STS: variants seen among roughly 807,000 people sequenced by gnomAD.
STS encodes the protein steroid sulfatase.
In STS, 7 loss-of-function variants were observed where a neutral mutation model predicts 26.8. The ratio of observed to expected loss-of-function variants is 0.26; its 90% confidence interval spans 0.15 to 0.49. The LOEUF (loss-of-function observed/expected upper bound fraction) is 0.49. Among genes scored for constraint, STS ranks in the 20% least tolerant of loss-of-function variants. The pLI, the probability that STS is intolerant of heterozygous loss-of-function variation, is 0.98. For missense variants in STS, 434 were observed against 465.6 expected (o/e 0.93, Z 0.63); for synonymous variants, 199 against 189.4 (o/e 1.05, Z -0.42).
chrX:7,259,886 G>A (rs1452828151), intron 6 of STS, 114 bp downstream of exon 6: 34 of 968,143 alleles, frequency 3.5e-5, no homozygotes, highest in South Asian at 2.4e-4. Flanking sequence ...TGGTTTGTTC[G>A]TTTTTTTGAG....
chrX:7,322,719 C>G (rs1360945249), intron 8 of STS, among the ~76,000 whole-genome samples: 3 of 111,816 alleles, frequency 2.7e-5, no homozygotes, highest in Admixed American at 9.5e-5. Context: ...TCTATAGATT[C>G]AAACCTCCTC....
rs769731613 is a variant in STS, at chrX:7,350,025, T to G, written c.1501T>G (p.Ser501Ala). ...CGACCCACCTTTACTCTTTGATATT[T>G]CCAAAGATCCCAGAGAGAGAAACCC... ...HHDPPLLFDI[S>A]KDPRERNPLT... Residue 501 changes from serine to alanine, a missense_variant, in exon 11 of 11, where the codon TCC (serine) becomes GCC (alanine). By Grantham distance (99) the Ser-to-Ala change is moderately conservative (BLOSUM62 1). Around this residue, in one of 2 missense-constraint regions of STS, gnomAD observed 205 missense variants for 177.3 expected, o/e 1.16. Transcript: ENST00000674429. 8.3e-7 allele frequency: 1 copy of G among 1,211,422 alleles called. No homozygotes were observed. Among genetic ancestry groups the G allele is most frequent in the South Asian group, 1.8e-5 (1 of 56,969 alleles).
At chrX:7,181,011 A>G (rs1197995386) in intron 1 of STS, among the ~76,000 whole-genome samples, 4 of 112,009 alleles carry the variant, frequency 3.6e-5, no homozygotes, top group African/African-American at 1.3e-4. Context: ...GCAATGTTTA[A>G]TGCCCATTAA....
rs189245313 is a variant in STS at position 7,333,843 on chromosome X, T to C, written c.1242-143T>C. The C allele has an allele frequency of 2.5e-5, 18 of 731,260 alleles. No individual in the cohort carries two copies. In the African/African-American group the frequency reaches 3.4e-4, roughly 14 times the overall value. The allele number at this position is 731,260 out of a possible 1,213,427, so 60.3% of individuals were successfully genotyped here. The stretch of plus-strand genomic sequence containing the variant: ...AATGCACGGACAGAGCTGGGATCAG[T>C]GTGTTGCACAGGGCACCCAGGTGGG... On this transcript the variant is annotated intron_variant, in intron 9 of 10. Coordinates refer to ENST00000674429, the MANE Select transcript of STS (RefSeq NM_001320752.2).
At chrX:7,157,635 T>A (rs1255777232) in intron 1 of STS, among the ~76,000 whole-genome samples, 1 of 111,734 alleles carries the variant, frequency 8.9e-6, no homozygotes, top group Non-Finnish European at 1.9e-5. Context: ...ATCATCCATT[T>A]CTTTTGGCCA....
chrX:7,344,844 G>A (rs540014414), intron 10 of STS, among the ~76,000 whole-genome samples: 3 of 111,149 alleles, frequency 2.7e-5, no homozygotes, highest in African/African-American at 9.8e-5. Flanking sequence ...TACTTGTGCC[G>A]AACAGGCTTT....
rs1313932056 is a variant in STS, at chrX:7,290,158, G to A, written c.943+14071G>A. ...CCCATGAATGAATGCATACTTAATTGAAAGCAGACAGTTCTTGATCTGAGC... is the reference window on the plus strand; with the variant it reads ...CCCATGAATGAATGCATACTTAATTAAAAGCAGACAGTTCTTGATCTGAGC... On this transcript the variant is annotated intron_variant, in intron 7 of 10. Coordinates refer to ENST00000674429, the MANE Select transcript of STS (RefSeq NM_001320752.2). Among the ~76,000 whole-genome samples, 4 of 111,680 alleles carry A rather than the reference G, an allele frequency of 3.6e-5. No homozygotes were observed. In the Admixed American group the frequency reaches 3.8e-4, roughly 11 times the overall value.
intron 7 of STS, among the ~76,000 whole-genome samples, chrX:7,290,920 G>A (rs146715816): frequency 1.2e-3 from 137 of 111,572 alleles, no homozygotes; most frequent in African/African-American, 4.2e-3. Flanking sequence ...GCATCACAGC[G>A]TCAGTTGATT....
Position 7,253,428 on chromosome X carries a change from T to C in STS, c.137+92T>C, listed in dbSNP as rs185814159. ...TTGTTGATCTACAGAGCACAGAACA[T>C]GTAGAAACGTTCAAAACCCTCCAAA... On this transcript the variant is annotated intron_variant, in intron 3 of 10. Transcript: ENST00000674429. The C allele has an allele frequency of 5.4e-4, 608 of 1,133,771 alleles. 5 individuals are homozygous for C. The East Asian group carries it at 0.017, about 32-fold the overall frequency. The allele number at this position is 1,133,771 out of a possible 1,213,427, so 93.4% of individuals were successfully genotyped here.
chrX:7,335,059 A>G (rs1339853360), intron 10 of STS, among the ~76,000 whole-genome samples: 1 of 112,679 alleles, frequency 8.9e-6, no homozygotes, highest in Non-Finnish European at 1.9e-5. Context: ...ATAGTGCCAC[A>G]ATAAACATAC....
chrX:7,295,035 T>G (rs1256914820), intron 7 of STS, among the ~76,000 whole-genome samples: 1 of 111,998 alleles, frequency 8.9e-6, no homozygotes, highest in African/African-American at 3.2e-5. Context: ...GTGTTTTGGG[T>G]AATGCTTTTT....
At position 7,165,384 on chromosome X, in the gene STS, C is replaced by T. The variant is rs182954607; in HGVS notation, c.-134+17301C>T. ...GAGTAACAGGCTGGGCATGGTGGCT[C>T]ACATCTATAGTCACAATGTGTTGGG... On this transcript the variant is annotated intron_variant, in intron 1 of 10. Coordinates refer to ENST00000674429, the MANE Select transcript of STS (RefSeq NM_001320752.2). 5.4e-5 allele frequency among the ~76,000 whole-genome samples: 6 copies of T among 111,092 alleles called. No individual in the cohort carries two copies. In the East Asian group the frequency reaches 1.7e-3, roughly 31 times the overall value.
intron 9 of STS, among the ~76,000 whole-genome samples, chrX:7,329,237 G>C (rs1325295970): frequency 3.6e-5 from 4 of 112,083 alleles, no homozygotes; most frequent in African/African-American, 1.3e-4. Flanking sequence ...ATCTAAAGTA[G>C]TGTTTTCCCC....
Position 7,223,402 on chromosome X carries a change from A to T in STS, c.-4-29794A>T, listed in dbSNP as rs111832016. 3.9e-3 allele frequency among the ~76,000 whole-genome samples: 439 copies of T among 112,367 alleles called. 2 individuals carry two copies. The highest frequency in any genetic ancestry group is 0.014 in the African/African-American group (423 of 30,964). ...GTTCCATTTTCTCTGCATTCTTGAC[A>T]ACATCTGTTGTTTTTAGACTTTTTA... On this transcript the variant is annotated intron_variant, in intron 2 of 10. Transcript: ENST00000674429.
rs926640552 is a variant in STS, at chrX:7,167,159, C to A, written c.-134+19076C>A. Among the ~76,000 whole-genome samples, 19 of 111,133 alleles carry A rather than the reference C, an allele frequency of 1.7e-4. No homozygotes were observed. In the Admixed American group the frequency reaches 1.8e-3, roughly 11 times the overall value. ...GTCCAGGTGTTGGCTGTGTTCTCAC[C>A]CAGAGCGTGGGGTCCTCTTTCAAGC... is the stretch of plus-strand genomic sequence containing the variant. On this transcript the variant is annotated intron_variant, in intron 1 of 10. Coordinates refer to ENST00000674429, the MANE Select transcript of STS (RefSeq NM_001320752.2).
chrX:7,239,196 T>A (rs1435520974), intron 2 of STS, among the ~76,000 whole-genome samples: 1 of 111,877 alleles, frequency 8.9e-6, no homozygotes, highest in Non-Finnish European at 1.9e-5. Flanking sequence ...TTTAAATCTA[T>A]AGAAAAGTCT....
chrX:7,222,431 C>T (rs1361739463), intron 2 of STS, among the ~76,000 whole-genome samples: 2 of 105,349 alleles, frequency 1.9e-5, no homozygotes, highest in East Asian at 6.0e-4. Context: ...GTGTCAAGGG[C>T]ATCTCTGCTT....
chrX:7,161,392 G>T (rs758263870), intron 1 of STS, among the ~76,000 whole-genome samples: 27 of 112,090 alleles, frequency 2.4e-4, no homozygotes, highest in Middle Eastern at 4.7e-3. Context: ...TGAAGAATGG[G>T]TATGTAGTTC....
intron 8 of STS, among the ~76,000 whole-genome samples, chrX:7,308,634 T>C (rs1926331445): frequency 8.9e-6 from 1 of 111,964 alleles, no homozygotes; most frequent in South Asian, 3.7e-4. Context: ...AGAAATGTAT[T>C]TGATGTATTA....
Sources: allele counts gnomAD v4.1 joint callset (sites outside exome capture counted in the v4.1 genomes callset), GRCh38; gene constraint gnomAD v4.1.1; regional missense constraint gnomAD v4.1.1; transcripts MANE v1.5; gene names NCBI Gene and HGNC (gene_info 2026-07-23, HGNC 2026-07-21).